CCDC78: variants seen among roughly 807,000 people sequenced by gnomAD.
CCDC78 encodes coiled-coil domain containing 78.
A neutral mutation model predicts 61.9 loss-of-function variants in CCDC78; 78 were observed. The observed-to-expected ratio is 1.26, with a 90% CI of 1.05 to 1.52. The LOEUF (loss-of-function observed/expected upper bound fraction) is 1.52. Among genes scored for constraint, CCDC78 ranks in the 40% most tolerant of loss-of-function variants. CCDC78 has a pLI of 0.00. For synonymous variants in CCDC78, 287 were observed against 251.9 expected, an observed-to-expected ratio of 1.14 and a Z score of -1.32; for missense variants, 737 against 615.5, an observed-to-expected ratio of 1.20 and a Z score of -2.09.
intron 3 of CCDC78, 66 bp from the exon 4 acceptor site, chr16:725,646 C>G: frequency 6.3e-7 from 1 of 1,585,610 alleles, no homozygotes; most frequent in Admixed American, 1.7e-5. Context: ...TGAACATTCA[C>G]CCGGTGCACG....
rs371084708 is a variant in CCDC78, at chr16:725,639, ACATT to A, written c.268-63_268-60del. On this transcript the variant is annotated intron_variant, in intron 3 of 13. Coordinates refer to ENST00000345165, the MANE Select transcript of CCDC78 (RefSeq NM_001378030.1). ...CCCGCGGGCCACCTGGGGTAGGTGAACATTCACCCGGTGCACGCTCAGGGGCGCG... is the reference window on the plus strand; with the variant it reads ...CCCGCGGGCCACCTGGGGTAGGTGAACACCCGGTGCACGCTCAGGGGCGCG... 288 of 1,588,070 alleles carry A rather than the reference ACATT, an allele frequency of 1.8e-4. 1 individual carries two copies. In the African/African-American group the frequency reaches 3.3e-3, roughly 18 times the overall value.
In CCDC78 at chr16:726,319, GCCGAGAGGGAGGT is replaced by G; in HGVS notation, c.36_48del (p.Pro13GlyfsTer35). ...CCCAGAGGACTCACATTCTCCACCC[GCCGAGAGGGAGGT>G]CCAGGCCTGGGGCCTGTGGTGGCTG... On this transcript the variant is annotated frameshift_variant, in exon 1 of 14. Transcript: ENST00000345165. LOFTEE classifies it high-confidence loss of function. 6.5e-7 allele frequency: 1 copy of G among 1,548,156 alleles called. No individual in the cohort carries two copies. Among genetic ancestry groups the G allele is most frequent in the Non-Finnish European group, 8.7e-7 (1 of 1,146,646 alleles).
At chr16:724,870 C>G in intron 7 of CCDC78, 41 bp downstream of exon 7, 1 of 1,601,546 alleles carries the variant, frequency 6.2e-7, no homozygotes, top group Non-Finnish European at 8.5e-7. Context: ...TTCTGGGGCC[C>G]CCACCCTCCA....
At chr16:723,636 C>G in intron 11 of CCDC78, 1 of 698,130 alleles carries the variant, frequency 1.4e-6, no homozygotes, top group South Asian at 1.5e-5. Context: ...GTGTTCAAGG[C>G]CAGCTCCACC....
chr16:726,489 C>T, upstream of CCDC78: 2 of 1,269,292 alleles, frequency 1.6e-6, no homozygotes, highest in Non-Finnish European at 1.1e-6. Context: ...TCCCAGGTGA[C>T]TCCCAGGGCA....
At position 722,867 on chromosome 16, in the gene CCDC78, C is replaced by T. The variant is rs190128477; in HGVS notation, c.1301+55G>A. On this transcript the variant is annotated intron_variant, in intron 13 of 13. Transcript: ENST00000345165. ...TTTTAGCGCCTGAGGCAGCCATCAT[C>T]CTTCATTCCAACCAGACCAGGGCCC... The T allele has an allele frequency of 1.0e-3, 1,661 of 1,609,094 alleles. 11 individuals are homozygous for T. In the African/African-American group the frequency reaches 0.02, roughly 19 times the overall value.
At position 722,656 on chromosome 16, in the gene CCDC78, G is replaced by GCTCTA. The variant is rs1406553714; in HGVS notation, c.*21_*22insTAGAG. The GCTCTA allele has an allele frequency of 6.2e-6, 10 of 1,602,360 alleles. No individual in the cohort carries two copies. The highest frequency in any genetic ancestry group is 8.5e-6 in the Non-Finnish European group (10 of 1,179,356). The stretch of plus-strand genomic sequence containing the variant: ...TGTGCTGGCTGAGGAGCTCTGCTCT[G>GCTCTA]CTCTGCTCCTTGGGAGACGGCCTAG... On this transcript the variant is annotated 3_prime_UTR_variant, in exon 14 of 14. Transcript: ENST00000345165.
Position 725,520 on chromosome 16 carries a change from C to A in CCDC78, c.328G>T (p.Gly110Cys), listed in dbSNP as rs777956994. 18 of 1,612,360 alleles carry A rather than the reference C, an allele frequency of 1.1e-5. No individual in the cohort carries two copies. In the Admixed American group the frequency reaches 2.8e-4, roughly 25 times the overall value. ...TCAGACTCCACTGGGACTGCACAGC[C>A]CTGGCTGGTGCCATCTCCTCGCAGC... ...LELRGDGTSQ[G>C]CAVPVESDPR... Residue 110 changes from glycine (G) to cysteine (C), a missense_variant, in exon 4 of 14, where the codon GGC (glycine) becomes TGC (cysteine). Physicochemically the swap from Gly to Cys is radical, Grantham distance 159. Transcript: ENST00000345165.
intron 3 of CCDC78, 59 bp downstream of exon 3, chr16:725,735 G>A: frequency 6.3e-7 from 1 of 1,576,518 alleles, no homozygotes; most frequent in Admixed American, 1.8e-5. Flanking sequence ...CAGGGCACGT[G>A]TCCTGGGCCT....
rs758288338 is a variant in CCDC78 at position 722,912 on chromosome 16, C to T, written c.1301+10G>A. ...GGGCCCTGGGGTCACACCCAGCTCC[C>T]TCTGCCCACCTGCCCAGGTGCTGGT... is the stretch of plus-strand genomic sequence containing the variant. On this transcript the variant is annotated intron_variant, in intron 13 of 13. Coordinates refer to ENST00000345165, the MANE Select transcript of CCDC78 (RefSeq NM_001378030.1). 6.2e-6 allele frequency: 10 copies of T among 1,611,974 alleles called. No individual in the cohort carries two copies. The highest frequency in any genetic ancestry group is 2.2e-5 in the East Asian group (1 of 44,886).
rs374762640 is a variant in CCDC78 at position 723,036 on chromosome 16, G to A, written c.1201-14C>T. ...TTCCAGCTCTGCCTGGCATGGGGAT[G>A]TAAGCCATGAGCTGGGGCATGGCGT... On this transcript the variant is annotated splice_polypyrimidine_tract_variant and intron_variant, in intron 12 of 13. Transcript: ENST00000345165. 1.7e-5 allele frequency: 27 copies of A among 1,612,450 alleles called. No homozygotes were observed. Among genetic ancestry groups the A allele is most frequent in the Non-Finnish European group, 2.1e-5 (25 of 1,179,986 alleles).
chr16:724,021 C>T, intron 10 of CCDC78, 85 bp from the exon 11 acceptor site: 2 of 1,584,812 alleles, frequency 1.3e-6, no homozygotes, highest in East Asian at 2.2e-5. Flanking sequence ...TCTGTTGAGC[C>T]CAGGATGAGG....
intron 8 of CCDC78, 43 bp from the exon 9 acceptor site, chr16:724,552 C>G: frequency 1.9e-6 from 3 of 1,565,560 alleles, no homozygotes; most frequent in Middle Eastern, 1.7e-4. Flanking sequence ...CACCCCCCAT[C>G]TTTTCCAACC....
chr16:725,046 A>C (rs778123838), intron 6 of CCDC78, 32 bp downstream of exon 6: 3 of 1,612,590 alleles, frequency 1.9e-6, no homozygotes, highest in Non-Finnish European at 1.7e-6. Flanking sequence ...TCTCTGCTCC[A>C]GGATGGGGCC....
At chr16:722,875 C>A (rs1221973291) in intron 13 of CCDC78, 47 bp downstream of exon 13, 1 of 1,609,784 alleles carries the variant, frequency 6.2e-7, no homozygotes, top group Non-Finnish European at 8.5e-7. Context: ...ATCCTTCATT[C>A]CAACCAGACC....
At position 725,514 on chromosome 16, in the gene CCDC78, C is replaced by T. The variant is rs1209186862; in HGVS notation, c.334G>A (p.Ala112Thr). The T allele has an allele frequency of 6.2e-7, 1 of 1,612,558 alleles. No individual in the cohort carries two copies. The highest frequency in any genetic ancestry group is 1.1e-5 in the South Asian group (1 of 91,092). The change falls in exon 4 of 14, where the codon GCA (alanine) becomes ACA (threonine). Residue 112 changes from alanine (A) to threonine (T), a missense_variant. Ala to Thr is a moderately conservative substitution (Grantham distance 58). Coordinates refer to ENST00000345165, the MANE Select transcript of CCDC78 (RefSeq NM_001378030.1). Reference sequence around the variant, plus strand: ...CTGGGGTCAGACTCCACTGGGACTGCACAGCCCTGGCTGGTGCCATCTCCT... The same window carrying T: ...CTGGGGTCAGACTCCACTGGGACTGTACAGCCCTGGCTGGTGCCATCTCCT... Reference protein sequence around the residue: ...LRGDGTSQGCAVPVESDPRHP... With the variant: ...LRGDGTSQGCTVPVESDPRHP...
intron 3 of CCDC78, 99 bp downstream of exon 3, chr16:725,695 A>C: frequency 6.4e-7 from 1 of 1,569,982 alleles, no homozygotes; most frequent in Non-Finnish European, 8.6e-7. Flanking sequence ...GCTGAGACCC[A>C]CAGATGCCAT....
chr16:725,072 A>ACT lies in CCDC78; in HGVS notation c.560+4_560+5dup. ...GGATGGGGCCCCAGGTGAGATGGCC[A>ACT]CTCACACACGCGTCACCAGTGCCTG... On this transcript the variant is annotated splice_donor_region_variant and intron_variant, in intron 6 of 13. Transcript: ENST00000345165. 6.2e-7 allele frequency: 1 copy of ACT among 1,612,594 alleles called. No homozygotes were observed. Among genetic ancestry groups the ACT allele is most frequent in the South Asian group, 1.1e-5 (1 of 91,078 alleles).
At position 722,979 on chromosome 16, in the gene CCDC78, G is replaced by A. The variant is rs2040364267; in HGVS notation, c.1244C>T (p.Thr415Met). The A allele has an allele frequency of 1.2e-6, 2 of 1,612,396 alleles. No homozygotes were observed. The highest frequency in any genetic ancestry group is 1.1e-5 in the South Asian group (1 of 91,084). Residue 415 changes from threonine to methionine, a missense_variant, in exon 13 of 14, where the codon ACG becomes ATG. By Grantham distance (81) the Thr-to-Met change is moderately conservative (BLOSUM62 -1). Coordinates refer to ENST00000345165, the MANE Select transcript of CCDC78 (RefSeq NM_001378030.1). ...RERAQLLVRA[T>M]MAEEQLSELQ... is the part of the protein sequence containing the mutation. ...CTCAGAAAGTTGCTCTTCAGCCATC[G>A]TGGCCCGGACCAGCAGCTGTGCCCG...
Sources: gnomAD v4.1 joint callset for allele counts on GRCh38, gnomAD v4.1.1 for gene constraint, MANE v1.5 for transcripts, NCBI Gene and HGNC (gene_info 2026-07-23, HGNC 2026-07-21) for gene names.